The following PARD3B variants were observed in gnomAD, a reference collection of about 807,000 sequenced individuals.
The protein encoded by PARD3B is partitioning defective 3 homolog B.
Under a neutral mutation model 130.2 loss-of-function variants are expected in PARD3B, and 103 were observed. The ratio of observed to expected loss-of-function variants is 0.79; its 90% CI spans 0.67 to 0.93. PARD3B has a LOEUF of 0.93. Ranked by LOEUF, PARD3B falls within the 40% of genes least tolerant of loss-of-function variation. The pLI is 0.00. For missense variants in PARD3B, 1,609 were observed against 1,499.2 expected, an observed-to-expected ratio of 1.07 and a Z score of -1.21; for synonymous variants, 583 against 553.2, an observed-to-expected ratio of 1.05 and a Z score of -0.76.
At chr2:205,573,647 G>A (rs10194604) in intron 22 of PARD3B, among the ~76,000 whole-genome samples, 73,211 of 152,044 alleles carry the variant, frequency 0.48, 19,109 homozygotes, top group Admixed American at 0.64. Flanking sequence ...AAAGATGCAG[G>A]TGCCTCCAAA....
intron 18 of PARD3B, among the ~76,000 whole-genome samples, chr2:205,364,924 G>A (rs2668148): frequency 0.79 from 120,088 of 152,102 alleles, 48,431 homozygotes; most frequent in Admixed American, 0.89. Context: ...CTGTACAGCC[G>A]GGTGTGGTGG....
intron 2 of PARD3B, among the ~76,000 whole-genome samples, chr2:204,743,854 G>A (rs2040108369): frequency 6.6e-6 from 1 of 152,128 alleles, no homozygotes; most frequent in Non-Finnish European, 1.5e-5. Flanking sequence ...GAAGGGAAGT[G>A]TGGATGGGCC....
chr2:205,272,157 C>CA (rs764741961), intron 16 of PARD3B, among the ~76,000 whole-genome samples: 3,805 of 96,358 alleles, frequency 0.039, 68 homozygotes, highest in African/African-American at 0.063. Flanking sequence ...GACTCTGTCT[C>CA]AAAAAAAAAA....
At chr2:205,018,190 A>C (rs1037292201) in intron 3 of PARD3B, among the ~76,000 whole-genome samples, 18 of 152,096 alleles carry the variant, frequency 1.2e-4, no homozygotes, top group Non-Finnish European at 2.5e-4. Context: ...TAATACTCAG[A>C]TCATTAAATC....
At chr2:204,767,089 G>A (rs1435216982) in intron 2 of PARD3B, among the ~76,000 whole-genome samples, 4 of 113,410 alleles carry the variant, frequency 3.5e-5, no homozygotes, top group Admixed American at 1.9e-4. Context: ...ATGCTGGTGC[G>A]CTGCACCCAC....
chr2:204,973,573 C>CAA lies in PARD3B; in HGVS notation c.394+8263_394+8264dup, dbSNP rs35677886. On this transcript the variant is annotated intron_variant, in intron 3 of 22. Transcript: ENST00000406610. The stretch of plus-strand genomic sequence containing the variant: ...TTTTCTTTCCACCCAGATGGGCAGG[C>CAA]AAAAAAAAAAAAAATCCACTAATTT... Among the ~76,000 whole-genome samples, 387 of 133,058 alleles carry CAA rather than the reference C, an allele frequency of 2.9e-3. 2 individuals are homozygous for CAA. The highest frequency in any genetic ancestry group is 0.01 in the East Asian group (44 of 4,384). The allele number at this position is 133,058 out of a possible 152,430, so 87.3% of individuals were successfully genotyped here.
chr2:204,650,062 A>G (rs2035426389), intron 1 of PARD3B, among the ~76,000 whole-genome samples: 1 of 152,164 alleles, frequency 6.6e-6, no homozygotes, highest in South Asian at 2.1e-4. Flanking sequence ...TTAAATTTAC[A>G]AGAAAAAAAA....
intron 16 of PARD3B, among the ~76,000 whole-genome samples, chr2:205,257,974 G>T (rs964854860): frequency 1.2e-4 from 18 of 152,074 alleles, no homozygotes; most frequent in African/African-American, 4.3e-4. Context: ...GTTGAACACT[G>T]GCTTCTTCAG....
intron 2 of PARD3B, among the ~76,000 whole-genome samples, chr2:204,844,186 A>G (rs948932092): frequency 2.6e-5 from 4 of 152,152 alleles, no homozygotes; most frequent in African/African-American, 9.7e-5. Context: ...TTTGTTTTTA[A>G]TCCAAATTTG....
chr2:205,487,444 C>A (rs1319601928), intron 20 of PARD3B, among the ~76,000 whole-genome samples: 1 of 111,636 alleles, frequency 9.0e-6, no homozygotes, highest in Non-Finnish European at 1.9e-5. Context: ...TCTCTTCTAA[C>A]TGACATAATC....
intron 2 of PARD3B, among the ~76,000 whole-genome samples, chr2:204,721,656 A>G (rs955198617): frequency 6.6e-6 from 1 of 152,168 alleles, no homozygotes; most frequent in Non-Finnish European, 1.5e-5. Flanking sequence ...CAAATTCATT[A>G]TATTTAAAAA....
chr2:205,552,876 T>A (rs987877148), intron 21 of PARD3B, among the ~76,000 whole-genome samples: 1 of 152,168 alleles, frequency 6.6e-6, no homozygotes, highest in Non-Finnish European at 1.5e-5. Context: ...TGTATCAATA[T>A]GGATTAATTG....
chr2:204,700,316 G>A (rs1001235283), intron 2 of PARD3B, among the ~76,000 whole-genome samples: 3 of 151,968 alleles, frequency 2.0e-5, no homozygotes, highest in African/African-American at 7.2e-5. Flanking sequence ...ATAATAATTT[G>A]GGACTTAGAA....
At chr2:205,010,131 TGA>T (rs1156689601) in intron 3 of PARD3B, among the ~76,000 whole-genome samples, 1 of 152,118 alleles carries the variant, frequency 6.6e-6, no homozygotes, top group Non-Finnish European at 1.5e-5. Context: ...AAAGAAATAC[TGA>T]GAGAGAGAAG....
intron 18 of PARD3B, among the ~76,000 whole-genome samples, chr2:205,371,074 T>A (rs1305543444): frequency 6.6e-6 from 1 of 152,224 alleles, no homozygotes; most frequent in Non-Finnish European, 1.5e-5. Flanking sequence ...ATGCTTGACA[T>A]CCTTAGTCAT....
intron 3 of PARD3B, among the ~76,000 whole-genome samples, chr2:205,028,985 G>A (rs190548843): frequency 1.2e-4 from 19 of 152,200 alleles, no homozygotes; most frequent in African/African-American, 3.9e-4. Flanking sequence ...GTAGATCTTG[G>A]TTAGAGTTTA....
chr2:205,207,656 A>C (rs993004450), intron 15 of PARD3B, among the ~76,000 whole-genome samples: 3 of 143,078 alleles, frequency 2.1e-5, no homozygotes, highest in African/African-American at 8.2e-5. Flanking sequence ...CAATCTCCCA[A>C]GACTAAACCA....
rs1248578517 is a variant in PARD3B, at chr2:205,105,366, CA to C, written c.593+853del. 6.6e-6 allele frequency among the ~76,000 whole-genome samples: 1 copy of C among 152,080 alleles called. No individual in the cohort carries two copies. The highest frequency in any genetic ancestry group is 6.5e-5 in the Admixed American group (1 of 15,272). ...GTTCTAATCATCATTTTGTTTAACG[CA>C]CTTCAAATTTGGCATAAGGAAAATA... On this transcript the variant is annotated intron_variant, in intron 5 of 22. Coordinates refer to ENST00000406610, the MANE Select transcript of PARD3B (RefSeq NM_001302769.2). This position sits in a 1 kb window ranked among gnomAD's most constrained non-coding sequence, Gnocchi z 4.0.
At position 205,366,912 on chromosome 2, in the gene PARD3B, C is replaced by T. The variant is rs879302877; in HGVS notation, c.2631-34101C>T. Among the ~76,000 whole-genome samples, 9 of 152,272 alleles carry T rather than the reference C, an allele frequency of 5.9e-5. No homozygotes were observed. Among genetic ancestry groups the T allele is most frequent in the South Asian group, 4.1e-4 (2 of 4,830 alleles). ...TGCTGCCACAGATGTCCTAAGGGAG[C>T]GGAAGCTGAATCATCACACTTAGGT... On this transcript the variant is annotated intron_variant, in intron 18 of 22. Transcript: ENST00000406610. The surrounding 1 kb of genome is among the most constrained non-coding windows in gnomAD (Gnocchi z 5.0).
Sources: allele counts gnomAD v4.1 joint callset (sites outside exome capture counted in the v4.1 genomes callset), GRCh38; gene constraint gnomAD v4.1.1; non-coding constraint Gnocchi (gnomAD v3.1); transcripts MANE v1.5; gene names NCBI Gene and HGNC (gene_info 2026-07-23, HGNC 2026-07-21).